The following TBC1D2B variants were observed in gnomAD, a reference collection of about 807,000 sequenced individuals.
TBC1D2B encodes the protein TBC1 domain family, member 2B.
TBC1D2B carries 64 observed loss-of-function variants against 100.8 expected under a neutral mutation model. The observed-to-expected ratio is 0.64, with a 90% CI of 0.52 to 0.78. The LOEUF is 0.78. Ranked by LOEUF, TBC1D2B falls within the 30% of genes least tolerant of loss-of-function variation. The pLI, the probability that TBC1D2B is intolerant of heterozygous loss-of-function variation, is 0.00. For missense variants in TBC1D2B, 1,052 were observed against 1,218.4 expected, an observed-to-expected ratio of 0.86 and a Z score of 2.03; for synonymous variants, 480 against 479.7, an observed-to-expected ratio of 1.00 and a Z score of -0.01.
In TBC1D2B at chr15:77,995,535, CACATA is replaced by C. The variant is rs764207326; in HGVS notation, c.*2620_*2624del. ...CACAGATACACACAAGGGAGTCACA[CACATA>C]ACATAATAACTTGTTATATAAAATA... is the stretch of plus-strand genomic sequence containing the variant. On this transcript the variant is annotated 3_prime_UTR_variant, in exon 13 of 13. Transcript: ENST00000300584. 14 of 152,048 alleles carry C rather than the reference CACATA, an allele frequency of 9.2e-5. No homozygotes were observed. The highest frequency in any genetic ancestry group is 2.1e-4 in the South Asian group (1 of 4,810). The allele number at this position is 152,048 out of a possible 1,614,324, so 9.4% of individuals were successfully genotyped here.
At chr15:78,068,047 C>T (rs1439298255) in intron 1 of TBC1D2B, among the ~76,000 whole-genome samples, 1 of 152,060 alleles carries the variant, frequency 6.6e-6, no homozygotes, top group East Asian at 1.9e-4. Flanking sequence ...CATATGGATG[C>T]CCCCTCCCCT....
At position 78,003,379 on chromosome 15, in the gene TBC1D2B, C is replaced by G. The variant is rs1211554578; in HGVS notation, c.2500G>C (p.Val834Leu). The change falls in exon 11 of 13, where the codon GTG (valine) becomes CTG (leucine). Residue 834 changes from valine to leucine, a missense_variant. This residue lies in a region of TBC1D2B where 373 missense variants were observed against 464.9 expected (regional missense o/e 0.80). Transcript: ENST00000300584. ...CTAACGACACTATCCACAAATACCA[C>G]CAGAAACCAGTTGAAAGTGATGAGA... ...YTLITFNWFL[V>L]VFVDSVVSDI... is the part of the protein sequence containing the mutation. 6.2e-7 allele frequency: 1 copy of G among 1,613,778 alleles called. No homozygotes were observed. The highest frequency in any genetic ancestry group is 1.3e-5 in the African/African-American group (1 of 74,922).
chr15:78,009,130 G>C lies in TBC1D2B; in HGVS notation c.2271-16C>G. ...TGCCACCAACCTACAAGCAAAGGGA[G>C]GACAAGATGAGAGCCCAGGCACAGA... is the stretch of plus-strand genomic sequence containing the variant. On this transcript the variant is annotated splice_polypyrimidine_tract_variant and intron_variant, in intron 9 of 12. Coordinates refer to ENST00000300584, the MANE Select transcript of TBC1D2B (RefSeq NM_144572.2). 6.4e-7 allele frequency: 1 copy of C among 1,557,112 alleles called. No individual in the cohort carries two copies. Among genetic ancestry groups the C allele is most frequent in the Non-Finnish European group, 8.8e-7 (1 of 1,140,860 alleles).
intron 9 of TBC1D2B, 134 bp from the exon 10 acceptor site, chr15:78,009,248 A>G: frequency 3.1e-6 from 2 of 645,096 alleles, no homozygotes; most frequent in Admixed American, 5.5e-5. Context: ...ATAAAGAATA[A>G]TAAGGACCTG....
chr15:78,005,713 T>G (rs2072047575), intron 10 of TBC1D2B, among the ~76,000 whole-genome samples: 1 of 152,202 alleles, frequency 6.6e-6, no homozygotes, highest in Admixed American at 6.5e-5. Context: ...TACATCAAAA[T>G]GCTAACCACG....
At chr15:78,035,466 G>A (rs552616430) in intron 3 of TBC1D2B, among the ~76,000 whole-genome samples, 35 of 152,340 alleles carry the variant, frequency 2.3e-4, no homozygotes, top group Admixed American at 4.6e-4. Context: ...GCAGGTGGAC[G>A]ACACTGCCAA....
chr15:78,020,678 C>T (rs978835592), intron 6 of TBC1D2B, among the ~76,000 whole-genome samples: 1 of 152,180 alleles, frequency 6.6e-6, no homozygotes, highest in South Asian at 2.1e-4. Context: ...TAAAGCATCA[C>T]CCCACGCTGT....
intron 2 of TBC1D2B, among the ~76,000 whole-genome samples, chr15:78,048,249 T>C (rs2141783416): frequency 6.6e-6 from 1 of 152,364 alleles, no homozygotes; most frequent in South Asian, 2.1e-4. Flanking sequence ...AAGAAGCTCT[T>C]TTCCAGCTTA....
chr15:78,041,544 C>T (rs1050297028), intron 3 of TBC1D2B, among the ~76,000 whole-genome samples: 2 of 152,168 alleles, frequency 1.3e-5, no homozygotes, highest in Admixed American at 6.5e-5. Flanking sequence ...TAAGCCTTGA[C>T]CATAATGTTG....
Position 78,055,570 on chromosome 15 carries a change from T to C in TBC1D2B, c.361-1383A>G, listed in dbSNP as rs147217258. Among the ~76,000 whole-genome samples, 1,497 of 152,276 alleles carry C rather than the reference T, an allele frequency of 9.8e-3. 12 individuals are homozygous for C. Among genetic ancestry groups the C allele is most frequent in the Middle Eastern group, 0.065 (19 of 294 alleles). On this transcript the variant is annotated intron_variant, in intron 1 of 12. Coordinates refer to ENST00000300584, the MANE Select transcript of TBC1D2B (RefSeq NM_144572.2). ...GCTCTGCAGGCCTGACAGCAAGAGATAGCCCTAGACCAAACTACTACTACC... is the reference window on the plus strand; with the variant it reads ...GCTCTGCAGGCCTGACAGCAAGAGACAGCCCTAGACCAAACTACTACTACC...
At chr15:78,030,616 G>T (rs2072784759) in intron 3 of TBC1D2B, among the ~76,000 whole-genome samples, 1 of 152,082 alleles carries the variant, frequency 6.6e-6, no homozygotes, top group Non-Finnish European at 1.5e-5. Flanking sequence ...AATCGAAATG[G>T]GGATTCTTAT....
rs974579642 is a variant in TBC1D2B at position 78,008,840 on chromosome 15, G to A, written c.2388+157C>T. On this transcript the variant is annotated intron_variant, in intron 10 of 12. Transcript: ENST00000300584. ...AGTCACAAACAGCAGGCCATGACTG[G>A]GGACAGCCTCTGAGATGTGGCCTGC... Among the ~76,000 whole-genome samples the A allele has an allele frequency of 5.4e-4, 82 of 152,198 alleles. 1 individual carries two copies. Among genetic ancestry groups the A allele is most frequent in the Non-Finnish European group, 1.1e-3 (74 of 68,034 alleles).
chr15:78,042,544 T>C (rs981148554), intron 3 of TBC1D2B, among the ~76,000 whole-genome samples: 6 of 152,254 alleles, frequency 3.9e-5, no homozygotes, highest in African/African-American at 1.4e-4. Context: ...AGAAGCCCAA[T>C]ACTTTGAAAC....
chr15:78,034,602 A>T, intron 3 of TBC1D2B: 1 of 984,760 alleles, frequency 1.0e-6, no homozygotes, highest in Non-Finnish European at 1.2e-6. Flanking sequence ...TCAGTGACTT[A>T]GAACTGCCAC....
chr15:78,018,318 CCTTA>C (rs1259942571), intron 6 of TBC1D2B, among the ~76,000 whole-genome samples: 2 of 152,104 alleles, frequency 1.3e-5, no homozygotes, highest in Admixed American at 6.6e-5. Flanking sequence ...AAAAGCAATA[CCTTA>C]CTTTTTTTTA....
At chr15:78,019,119 A>T (rs2141676617) in intron 6 of TBC1D2B, among the ~76,000 whole-genome samples, 1 of 151,928 alleles carries the variant, frequency 6.6e-6, no homozygotes, top group South Asian at 2.1e-4. Context: ...GGCTACAGAA[A>T]CTCCCCATCG....
chr15:78,056,007 G>A (rs574813243), intron 1 of TBC1D2B, among the ~76,000 whole-genome samples: 2 of 152,302 alleles, frequency 1.3e-5, no homozygotes, highest in Admixed American at 1.3e-4. Context: ...CCTGCCATAG[G>A]CAGGTTCAAA....
intron 1 of TBC1D2B, among the ~76,000 whole-genome samples, chr15:78,073,030 G>A (rs555495308): frequency 3.7e-4 from 56 of 152,268 alleles, no homozygotes; most frequent in African/African-American, 1.3e-3. Flanking sequence ...CGCCTTATCC[G>A]ATCCCCAACA....
intron 3 of TBC1D2B, chr15:78,034,414 C>T (rs898256614): frequency 1.2e-5 from 10 of 858,474 alleles, no homozygotes; most frequent in Non-Finnish European, 1.4e-5. Context: ...TCACAGGAGC[C>T]TTCCCTCAGG....
Sources: allele counts gnomAD v4.1 joint callset (sites outside exome capture counted in the v4.1 genomes callset), GRCh38; gene constraint gnomAD v4.1.1; regional missense constraint gnomAD v4.1.1; transcripts MANE v1.5; gene names NCBI Gene and HGNC (gene_info 2026-07-23, HGNC 2026-07-21).